The following NLGN1 variants were observed in gnomAD, a reference collection of about 807,000 sequenced individuals.
NLGN1 encodes neuroligin-1.
In NLGN1, 12 loss-of-function variants were observed where a neutral mutation model predicts 65.5. The ratio of observed to expected loss-of-function variants is 0.18; its 90% CI spans 0.12 to 0.30. The LOEUF (loss-of-function observed/expected upper bound fraction) is 0.30. NLGN1 is among the 10% of genes least tolerant of loss of function. The pLI is 1.00. For missense variants in NLGN1, 750 were observed against 1,007.1 expected (o/e 0.74, Z 3.46); for synonymous variants, 350 against 359.5 (o/e 0.97, Z 0.30).
At chr3:174,058,952 A>G (rs1351401204) in intron 4 of NLGN1, among the ~76,000 whole-genome samples, 2 of 152,188 alleles carry the variant, frequency 1.3e-5, no homozygotes, top group Non-Finnish European at 2.9e-5. Context: ...TTTTACACTC[A>G]ACCCTGCAGG....
intron 4 of NLGN1, among the ~76,000 whole-genome samples, chr3:174,059,089 G>A (rs975779493): frequency 5.9e-5 from 9 of 152,144 alleles, no homozygotes; most frequent in African/African-American, 2.2e-4. Flanking sequence ...TTCTTCAAGT[G>A]TTTGGTGCTA....
intron 4 of NLGN1, among the ~76,000 whole-genome samples, chr3:174,262,412 G>A (rs1388750183): frequency 7.7e-6 from 1 of 130,648 alleles, no homozygotes; most frequent in African/African-American, 3.1e-5. Flanking sequence ...GTTTAGTCTT[G>A]GGAGAGTGTA....
chr3:173,609,137 A>C lies in NLGN1; in HGVS notation c.493+4046A>C, dbSNP rs570735366. On this transcript the variant is annotated intron_variant, in intron 3 of 6. Coordinates refer to ENST00000457714, the Ensembl canonical transcript of NLGN1. ...TGAGAAGGAGAAACAAAGGACCCAGAGAGGATTCACAAACACATTGTCTGG... is the reference window on the plus strand; with the variant it reads ...TGAGAAGGAGAAACAAAGGACCCAGCGAGGATTCACAAACACATTGTCTGG... Among the ~76,000 whole-genome samples the C allele has an allele frequency of 4.6e-5, 7 of 152,106 alleles. No individual in the cohort carries two copies. The East Asian group carries it at 1.4e-3, about 29-fold the overall frequency.
intron 2 of NLGN1, among the ~76,000 whole-genome samples, chr3:173,538,836 C>CTTTGGTG (rs910994383): frequency 6.6e-6 from 1 of 150,876 alleles, no homozygotes; most frequent in African/African-American, 2.4e-5. Context: ...TAGGGTCACC[C>CTTTGGTG]TTTGGTGAAC....
At position 173,809,408 on chromosome 3, in the gene NLGN1, C is replaced by A. The variant is rs115511922; in HGVS notation, c.646+1576C>A. ...CTTAATGGTAGTATTGTTGAGAGCT[C>A]AGTTGTTTTTGCTGATTATTATTCT... On this transcript the variant is annotated intron_variant, in intron 4 of 6. Coordinates refer to ENST00000457714, the Ensembl canonical transcript of NLGN1. Among the ~76,000 whole-genome samples, 301 of 152,054 alleles carry A rather than the reference C, an allele frequency of 2.0e-3. 1 individual carries two copies. The highest frequency in any genetic ancestry group is 7.1e-3 in the African/African-American group (294 of 41,446).
At chr3:173,615,718 A>G (rs894702740) in intron 3 of NLGN1, among the ~76,000 whole-genome samples, 25 of 149,986 alleles carry the variant, frequency 1.7e-4, no homozygotes, top group African/African-American at 5.9e-4. Flanking sequence ...CCAAGAAGCA[A>G]TGGTTTAAAA....
intron 4 of NLGN1, among the ~76,000 whole-genome samples, chr3:174,008,186 G>A (rs966619253): frequency 1.3e-5 from 2 of 152,008 alleles, no homozygotes; most frequent in African/African-American, 4.8e-5. Context: ...TTTCTGCCAG[G>A]CAAATGCCAG....
At chr3:174,129,117 T>C (rs1719577964) in intron 4 of NLGN1, among the ~76,000 whole-genome samples, 1 of 152,062 alleles carries the variant, frequency 6.6e-6, no homozygotes, top group Non-Finnish European at 1.5e-5. Context: ...AAGTAGCGTA[T>C]AAAAGCCTTG....
chr3:173,698,102 T>C (rs1396968349), intron 3 of NLGN1, among the ~76,000 whole-genome samples: 3 of 152,108 alleles, frequency 2.0e-5, no homozygotes, highest in Admixed American at 2.0e-4. Context: ...TTTTCCCATG[T>C]TCTAGTTCAT....
chr3:173,721,052 AAAG>A (rs1770756641), intron 3 of NLGN1, among the ~76,000 whole-genome samples: 1 of 152,184 alleles, frequency 6.6e-6, no homozygotes, highest in African/African-American at 2.4e-5. Context: ...TTTATTATTT[AAAG>A]ACTGCGTTTT....
chr3:173,659,220 T>C (rs1014650641), intron 3 of NLGN1, among the ~76,000 whole-genome samples: 1 of 152,046 alleles, frequency 6.6e-6, no homozygotes, highest in African/African-American at 2.4e-5. Context: ...TTTTAGAGTT[T>C]AGGAAGGTGT....
At chr3:173,624,078 T>TTTA (rs1286864192) in intron 3 of NLGN1, among the ~76,000 whole-genome samples, 2 of 152,118 alleles carry the variant, frequency 1.3e-5, no homozygotes, top group Non-Finnish European at 2.9e-5. Context: ...AGGTCAGCTG[T>TTTA]TGATAGAGTT....
At chr3:173,762,007 G>A (rs1487137022) in intron 3 of NLGN1, among the ~76,000 whole-genome samples, 1 of 152,066 alleles carries the variant, frequency 6.6e-6, no homozygotes, top group East Asian at 1.9e-4. Flanking sequence ...TGTTTCAGGG[G>A]CAAGAGTCTT....
chr3:173,899,143 C>T (rs564278786), intron 4 of NLGN1, among the ~76,000 whole-genome samples: 2 of 152,212 alleles, frequency 1.3e-5, no homozygotes, highest in African/African-American at 2.4e-5. Flanking sequence ...GTGTACCATT[C>T]CCACCTCCAT....
At chr3:173,780,637 A>G (rs1780982831) in intron 3 of NLGN1, among the ~76,000 whole-genome samples, 1 of 152,214 alleles carries the variant, frequency 6.6e-6, no homozygotes, top group African/African-American at 2.4e-5. Context: ...GTAGAGTATT[A>G]TAACTAGAGA....
At chr3:174,222,344 A>G (rs1738825782) in intron 4 of NLGN1, among the ~76,000 whole-genome samples, 1 of 152,186 alleles carries the variant, frequency 6.6e-6, no homozygotes, top group African/African-American at 2.4e-5. Context: ...AACTAACAAA[A>G]TAATTCTAGA....
chr3:173,458,702 C>A (rs889844730), intron 2 of NLGN1, among the ~76,000 whole-genome samples: 1 of 151,938 alleles, frequency 6.6e-6, no homozygotes, highest in Non-Finnish European at 1.5e-5. Context: ...TACTGAATAC[C>A]CAGATACAAG....
At chr3:173,398,240 G>C (rs1378454715), upstream of NLGN1, among the ~76,000 whole-genome samples, 1 of 152,186 alleles carries the variant, frequency 6.6e-6, no homozygotes, top group Admixed American at 6.5e-5. Flanking sequence ...CCTCCGGCTA[G>C]TTCTGGGGTT....
At chr3:173,548,200 G>T (rs1173763135) in intron 2 of NLGN1, among the ~76,000 whole-genome samples, 1 of 151,966 alleles carries the variant, frequency 6.6e-6, no homozygotes, top group Admixed American at 6.6e-5. Context: ...TGTTTCTCTG[G>T]ACCTCATAGT....
Sources: gnomAD v4.1 joint callset for allele counts (sites outside exome capture counted in the v4.1 genomes callset) on GRCh38, gnomAD v4.1.1 for gene constraint, MANE v1.5 for transcripts, NCBI Gene and HGNC (gene_info 2026-07-23, HGNC 2026-07-21) for gene names.